Variants in ZKSCAN3 observed in about 807,000 individuals in gnomAD.
ZKSCAN3 encodes zinc finger with KRAB and SCAN domains 3, also known as zinc finger protein with KRAB and SCAN domains 3.
ZKSCAN3 carries 21 observed loss-of-function variants against 30.7 expected under a neutral mutation model. The ratio of observed to expected loss-of-function variants is 0.68; its 90% CI spans 0.49 to 0.99. The LOEUF is 0.99. Among genes scored for constraint, ZKSCAN3 ranks in the 50% least tolerant of loss-of-function variants. ZKSCAN3 has a pLI of 0.00. For missense variants in ZKSCAN3, 507 were observed against 647.1 expected (o/e 0.78, Z 2.35); for synonymous variants, 201 against 246.7 (o/e 0.81, Z 1.73).
At chr6:28,354,023 C>T (rs886669156) in intron 1 of ZKSCAN3, 15 of 447,746 alleles carry the variant, frequency 3.4e-5, no homozygotes, top group African/African-American at 1.8e-4. Flanking sequence ...GCCTCTGTCT[C>T]GGCTGCCTCC....
rs185739336 is a variant in ZKSCAN3 at position 28,364,589 on chromosome 6, T to C, written c.757+774T>C. 5.8e-3 allele frequency among the ~76,000 whole-genome samples: 883 copies of C among 152,314 alleles called. 4 individuals carry two copies. Among genetic ancestry groups the C allele is most frequent in the Middle Eastern group, 0.01 (3 of 294 alleles). ...TGTCTGAGGCCACGTAGCTAATTGG[T>C]GGCATAAAATTCACAGCACTGAATC... On this transcript the variant is annotated intron_variant, in intron 5 of 5. Transcript: ENST00000252211.
intron 3 of ZKSCAN3, 110 bp from the exon 4 acceptor site, chr6:28,363,193 T>A (rs1203504346): frequency 5.2e-6 from 5 of 953,664 alleles, no homozygotes; most frequent in African/African-American, 1.7e-5. Flanking sequence ...ACTCCTGGGC[T>A]CAATCAAGTG....
At chr6:28,363,165 A>C in intron 3 of ZKSCAN3, 138 bp from the exon 4 acceptor site, 2 of 686,402 alleles carry the variant, frequency 2.9e-6, no homozygotes, top group Non-Finnish European at 4.9e-6. Context: ...GCTCAATCAC[A>C]GCTCATTGCA....
At position 28,363,785 on chromosome 6, in the gene ZKSCAN3, CAGG is replaced by C; in HGVS notation, c.730_732del (p.Glu244del). ...GGGGAATCTCTGTAGAGATGAAAAG[CAGG>C]AGAACCATGGCAGCCTGGTCTCCCT... On this transcript the variant is annotated inframe_deletion, in exon 5 of 6. Coordinates refer to ENST00000252211, the MANE Select transcript of ZKSCAN3 (RefSeq NM_024493.4). 1.2e-6 allele frequency: 2 copies of C among 1,613,952 alleles called. No individual in the cohort carries two copies. Among genetic ancestry groups the C allele is most frequent in the Non-Finnish European group, 1.7e-6 (2 of 1,179,896 alleles).
At chr6:28,356,501 G>T (rs2113909369) in intron 1 of ZKSCAN3, among the ~76,000 whole-genome samples, 1 of 152,308 alleles carries the variant, frequency 6.6e-6, no homozygotes, top group East Asian at 1.9e-4. Flanking sequence ...CAACTCAGTG[G>T]GGGGTACAAG....
chr6:28,365,605 C>T lies in ZKSCAN3; in HGVS notation c.937C>T (p.Arg313Trp), dbSNP rs766941164. The T allele has an allele frequency of 1.4e-5, 22 of 1,614,214 alleles. No homozygotes were observed. The highest frequency in any genetic ancestry group is 5.5e-5 in the South Asian group (5 of 91,082). The change falls in exon 6 of 6, where the codon CGG becomes TGG. Residue 313 changes from arginine (R) to tryptophan (W), a missense_variant. Physicochemically the swap from Arg to Trp is moderately radical, Grantham distance 101. Coordinates refer to ENST00000252211, the MANE Select transcript of ZKSCAN3 (RefSeq NM_024493.4). ...RKQKNATGGR[R>W]HICHECGKSF... ...GCAGAAAAATGCCACAGGAGGGAGG[C>T]GGCACATCTGCCATGAATGTGGAAA...
chr6:28,357,954 C>T (rs931506408), intron 1 of ZKSCAN3, among the ~76,000 whole-genome samples: 3 of 152,212 alleles, frequency 2.0e-5, no homozygotes, highest in Non-Finnish European at 2.9e-5. Context: ...GTCTCACTAG[C>T]AGGCAGCCAA....
chr6:28,361,640 T>G (rs1271372556), intron 3 of ZKSCAN3, among the ~76,000 whole-genome samples, 169 bp downstream of exon 3: 3 of 152,224 alleles, frequency 2.0e-5, no homozygotes, highest in Non-Finnish European at 1.5e-5. Context: ...GAAAGCTTTT[T>G]CAACCAAGAC....
At chr6:28,350,414 T>A (rs759618796) in intron 1 of ZKSCAN3, 2 of 152,310 alleles carry the variant, frequency 1.3e-5, no homozygotes, top group Middle Eastern at 3.4e-3. Context: ...TTTAAATTAT[T>A]CTGTGGTACT....
At position 28,365,988 on chromosome 6, in the gene ZKSCAN3, TCTC is replaced by T. The variant is rs2113933806; in HGVS notation, c.1323_1325del (p.Leu442del). 2 of 1,614,084 alleles carry T rather than the reference TCTC, an allele frequency of 1.2e-6. No individual in the cohort carries two copies. The highest frequency in any genetic ancestry group is 4.5e-5 in the East Asian group (2 of 44,880). ...GCAAAGCCTTTAGGCGAAGTTCACA[TCTC>T]CTGAGACATCAGAGGATCCATACTG... On this transcript the variant is annotated inframe_deletion, in exon 6 of 6. Transcript: ENST00000252211.
chr6:28,353,725 G>A, intron 1 of ZKSCAN3: 1 of 421,000 alleles, frequency 2.4e-6, no homozygotes, highest in East Asian at 7.2e-5. Flanking sequence ...AACCTTGCGA[G>A]TGATTAAAGA....
intron 1 of ZKSCAN3, among the ~76,000 whole-genome samples, chr6:28,358,146 A>G (rs1002524008): frequency 2.6e-5 from 4 of 152,196 alleles, no homozygotes; most frequent in African/African-American, 9.7e-5. Context: ...CTTACATAAA[A>G]TGGCATATAG....
intron 2 of ZKSCAN3, among the ~76,000 whole-genome samples, chr6:28,360,974 A>G (rs1162475093): frequency 6.6e-6 from 1 of 151,800 alleles, no homozygotes; most frequent in African/African-American, 2.4e-5. Flanking sequence ...TTCAGATAAT[A>G]AAAGGTATTA....
chr6:28,366,506 A>G lies in ZKSCAN3; in HGVS notation c.*221A>G, dbSNP rs1765975598. ...AGGAGGCTACGGGAGAGTTGTCTAG[A>G]AGAGGTAAGACCTGAAACTGTTTGT... On this transcript the variant is annotated 3_prime_UTR_variant, in exon 6 of 6. Transcript: ENST00000252211. The G allele has an allele frequency of 2.4e-6, 1 of 410,300 alleles. No homozygotes were observed. The allele number at this position is 410,300 out of a possible 1,614,324, so 25.4% of individuals were successfully genotyped here. A position where few individuals can be genotyped will look rare whatever the true frequency, so the allele number is the denominator to read the frequency against.
chr6:28,364,195 C>G (rs1018169207), intron 5 of ZKSCAN3, among the ~76,000 whole-genome samples: 1 of 152,104 alleles, frequency 6.6e-6, no homozygotes, highest in Non-Finnish European at 1.5e-5. Flanking sequence ...AGGCTGGTCT[C>G]GGACTCCAGG....
intron 1 of ZKSCAN3, among the ~76,000 whole-genome samples, chr6:28,356,575 C>T (rs769529672): frequency 1.3e-5 from 2 of 152,218 alleles, no homozygotes; most frequent in African/African-American, 4.8e-5. Context: ...GGCCCAGTGG[C>T]TGTTCATGCT....
intron 3 of ZKSCAN3, among the ~76,000 whole-genome samples, chr6:28,362,040 A>G (rs1413142716): frequency 2.6e-5 from 4 of 152,156 alleles, no homozygotes; most frequent in African/African-American, 9.7e-5. Flanking sequence ...GGCTCAAGTG[A>G]TCCTCCTGCC....
chr6:28,358,899 G>GAAAAAAAAAAAAAAAAA (rs201554097), intron 1 of ZKSCAN3, among the ~76,000 whole-genome samples: 1 of 106,076 alleles, frequency 9.4e-6, no homozygotes. Context: ...AAACAAATAA[G>GAAAAAAAAAAAAAAAAA]AAAAAAAAAA....
chr6:28,357,851 C>A (rs939759568), intron 1 of ZKSCAN3, among the ~76,000 whole-genome samples: 1 of 152,120 alleles, frequency 6.6e-6, no homozygotes, highest in Non-Finnish European at 1.5e-5. Flanking sequence ...CCCAAAGATC[C>A]GAAGAGCCTG....
Sources: allele counts gnomAD v4.1 joint callset (sites outside exome capture counted in the v4.1 genomes callset), GRCh38; gene constraint gnomAD v4.1.1; transcripts MANE v1.5; gene names NCBI Gene and HGNC (gene_info 2026-07-23, HGNC 2026-07-21).